The following IRX4 variants were observed in gnomAD, a reference collection of about 807,000 sequenced individuals.
IRX4 encodes the protein iroquois homeobox 4.
IRX4 carries 22 observed loss-of-function variants against 32.0 expected under a neutral mutation model. The observed-to-expected ratio is 0.69, with a 90% CI of 0.49 to 0.98. The LOEUF is 0.98. Among genes scored for constraint, IRX4 ranks in the 50% least tolerant of loss-of-function variants. The pLI is 0.00. For synonymous variants in IRX4, 379 were observed against 351.7 expected, an observed-to-expected ratio of 1.08 and a Z score of -0.87; for missense variants, 840 against 744.2, an observed-to-expected ratio of 1.13 and a Z score of -1.50.
rs80155454 is a variant in IRX4 at position 1,878,262 on chromosome 5, C to T, written c.1267G>A (p.Ala423Thr). 1.4e-4 allele frequency: 219 copies of T among 1,602,550 alleles called. 1 individual carries two copies. In the East Asian group the frequency reaches 4.8e-3, roughly 35 times the overall value. The change falls in exon 5 of 5, where the codon GCC becomes ACC. Residue 423 changes from alanine (A) to threonine (T), a missense_variant. Physicochemically the swap from Ala to Thr is moderately conservative, Grantham distance 58. Transcript: ENST00000231357. The stretch of plus-strand genomic sequence containing the variant: ...GGGGAGTCCTGGTGCCTGTCCAGGG[C>T]GCCAGAGTGGGGAAGGGCCACAGAC... The part of the protein sequence containing the change: ...SPSVALPHSG[A>T]LDRHQDSPVT...
intron 3 of IRX4, chr5:1,880,292 G>A: frequency 1.5e-6 from 1 of 663,038 alleles, no homozygotes. Context: ...TTGCATTGAG[G>A]AAAGTGGGGC....
At chr5:1,886,796 A>G (rs972132880), upstream of IRX4, 3 of 151,656 alleles carry the variant, frequency 2.0e-5, no homozygotes, top group African/African-American at 7.3e-5. Flanking sequence ...GACGGGTAGC[A>G]AACTTTGTCC....
rs1181785125 is a variant in IRX4 at position 1,882,881 on chromosome 5, T to C, written c.-234A>G. On this transcript the variant is annotated 5_prime_UTR_variant, in exon 1 of 5. Transcript: ENST00000231357. ...GCATTCCGGAGGCTCGAGGGGGCTCTGGGACCGAGCGGCCTCGCAGCGGCG... is the reference window on the plus strand; with the variant it reads ...GCATTCCGGAGGCTCGAGGGGGCTCCGGGACCGAGCGGCCTCGCAGCGGCG... 8.3e-6 allele frequency: 3 copies of C among 362,522 alleles called. No homozygotes were observed. Among genetic ancestry groups the C allele is most frequent in the African/African-American group, 6.4e-5 (3 of 46,806 alleles). 22.5% of individuals were successfully genotyped at this position (362,522 alleles called of 1,614,324 possible).
chr5:1,883,085 A>G (rs1356812861), upstream of IRX4, among the ~76,000 whole-genome samples: 2 of 152,088 alleles, frequency 1.3e-5, no homozygotes, highest in African/African-American at 4.8e-5. Flanking sequence ...AGGGGCCAGG[A>G]CAGTCCCGGC....
chr5:1,880,697 G>T (rs1735395043), intron 3 of IRX4, 28 bp downstream of exon 3: 2 of 1,486,372 alleles, frequency 1.3e-6, no homozygotes, highest in Non-Finnish European at 1.9e-6. Context: ...CGTGGGGCTA[G>T]TGCTGGTTAG....
At chr5:1,879,476 A>G (rs758596380) in intron 4 of IRX4, 28 bp downstream of exon 4, 2 of 1,612,618 alleles carry the variant, frequency 1.2e-6, no homozygotes, top group South Asian at 2.2e-5. Flanking sequence ...CCAGGGCCTC[A>G]GCCCCCAGTG....
intron 3 of IRX4, chr5:1,880,101 CA>C (rs1033844792): frequency 1.3e-6 from 2 of 1,535,520 alleles, no homozygotes; most frequent in African/African-American, 2.7e-5. Context: ...CAGAGAGGTC[CA>C]GGCCAATTCC....
chr5:1,877,888 C>A lies in IRX4; in HGVS notation c.*81G>T. 1.5e-6 allele frequency: 2 copies of A among 1,316,352 alleles called. No homozygotes were observed. Among genetic ancestry groups the A allele is most frequent in the Non-Finnish European group, 2.1e-6 (2 of 968,946 alleles). The allele number at this position is 1,316,352 out of a possible 1,614,324, so 81.5% of individuals were successfully genotyped here. ...GCGGCTTCGCGGTGGCCGCGCTAGT[C>A]TTCCTCTGGAAACTCAGTGAAAAGA... On this transcript the variant is annotated 3_prime_UTR_variant, in exon 5 of 5. Coordinates refer to ENST00000231357, the MANE Select transcript of IRX4 (RefSeq NM_016358.3).
Position 1,878,602 on chromosome 5 carries a change from G to A in IRX4, c.927C>T (p.Ala309=), listed in dbSNP as rs1173192713. Residue 309 remains alanine (A), a synonymous_variant, in exon 5 of 5, where the codon GCC becomes GCT. Coordinates refer to ENST00000231357, the MANE Select transcript of IRX4 (RefSeq NM_016358.3). ...EASGALRMSL[A]AGGGAALDED... ...CGTCCAGAGCAGCTCCGCCACCCGC[G>A]GCCAGAGACATCCGGAGCGCGCCTG... The A allele has an allele frequency of 1.3e-6, 2 of 1,559,112 alleles. No homozygotes were observed. Among genetic ancestry groups the A allele is most frequent in the Non-Finnish European group, 1.7e-6 (2 of 1,152,734 alleles).
chr5:1,881,650 G>A (rs956219101), intron 2 of IRX4, among the ~76,000 whole-genome samples, 158 bp downstream of exon 2: 36 of 152,192 alleles, frequency 2.4e-4, no homozygotes, highest in Non-Finnish European at 4.1e-4. Context: ...GGGGTTCTGA[G>A]GGTCTCGGCT....
At position 1,878,345 on chromosome 5, in the gene IRX4, A is replaced by G; in HGVS notation, c.1184T>C (p.Leu395Pro). ...AGGGGCCGCGGGACCTTGGCGCTTGAGCATGCACGACGGAAACTCAGTCTG... is the reference window on the plus strand; with the variant it reads ...AGGGGCCGCGGGACCTTGGCGCTTGGGCATGCACGACGGAAACTCAGTCTG... ...LSQTEFPSCM[L>P]KRQGPAAPAA... The change falls in exon 5 of 5, where the codon CTC (leucine) becomes CCC (proline). Residue 395 changes from leucine to proline, a missense_variant. Coordinates refer to ENST00000231357, the MANE Select transcript of IRX4 (RefSeq NM_016358.3). The G allele has an allele frequency of 1.3e-6, 2 of 1,543,998 alleles. No homozygotes were observed. The highest frequency in any genetic ancestry group is 4.8e-5 in the East Asian group (2 of 41,264).
upstream of IRX4, among the ~76,000 whole-genome samples, chr5:1,885,230 T>A (rs887825218): frequency 5.9e-5 from 9 of 152,132 alleles, no homozygotes; most frequent in Non-Finnish European, 1.3e-4. Flanking sequence ...GGGGCTTAAC[T>A]GGAGCCGAAG....
chr5:1,878,030 G>A lies in IRX4; in HGVS notation c.1499C>T (p.Ala500Val). 6.6e-7 allele frequency: 1 copy of A among 1,508,434 alleles called. No homozygotes were observed. The highest frequency in any genetic ancestry group is 8.8e-7 in the Non-Finnish European group (1 of 1,134,058). The allele number at this position is 1,508,434 out of a possible 1,614,324, so 93.4% of individuals were successfully genotyped here. Residue 500 changes from alanine (A) to valine (V), a missense_variant, in exon 5 of 5, where the codon GCA becomes GTA. Physicochemically the swap from Ala to Val is moderately conservative, Grantham distance 64. This residue lies in a region of IRX4 where 585 missense variants were observed against 488.0 expected (regional missense o/e 1.20). Transcript: ENST00000231357. ...GGCGAGCAGCTCCCTGGCGGCGCCT[G>A]CAGCTGGGGCGTCCTGGGGCACGGC... ...PPAVPQDAPA[A>V]GAARELLALP...
At position 1,878,065 on chromosome 5, in the gene IRX4, G is replaced by T. The variant is rs1199419405; in HGVS notation, c.1464C>A (p.Ala488=). ...CGTCCTGGGGCACGGCAGGCGGAAA[G>T]GCGCGGGCCAGGGGTGCAGTCAGCA... The part of the protein sequence containing the change: ...ANVLTAPLAR[A]FPPAVPQDAP... The change falls in exon 5 of 5, where the codon GCC becomes GCA. Residue 488 remains alanine, a synonymous_variant. Coordinates refer to ENST00000231357, the MANE Select transcript of IRX4 (RefSeq NM_016358.3). 6.6e-7 allele frequency: 1 copy of T among 1,514,460 alleles called. No homozygotes were observed. The allele number at this position is 1,514,460 out of a possible 1,614,324, so 93.8% of individuals were successfully genotyped here. A position where few individuals can be genotyped will look rare whatever the true frequency, so the allele number is the denominator to read the frequency against.
At chr5:1,879,090 C>T (rs1735330029) in intron 4 of IRX4, among the ~76,000 whole-genome samples, 1 of 151,796 alleles carries the variant, frequency 6.6e-6, no homozygotes, top group Admixed American at 6.6e-5. Flanking sequence ...CTCCAGGGTT[C>T]AGGGCATTCT....
At chr5:1,878,875 C>T in intron 4 of IRX4, 83 bp from the exon 5 acceptor site, 2 of 1,447,266 alleles carry the variant, frequency 1.4e-6, no homozygotes, top group Non-Finnish European at 1.9e-6. Context: ...CATTATGAGG[C>T]CTGTTCCCGA....
At chr5:1,885,850 G>C (rs72706719), upstream of IRX4, among the ~76,000 whole-genome samples, 1 of 152,404 alleles carries the variant, frequency 6.6e-6, no homozygotes, top group African/African-American at 2.4e-5. Context: ...AGGACGCTCA[G>C]CATCTCAGGT....
intron 3 of IRX4, 25 bp downstream of exon 3, chr5:1,880,700 C>T (rs937687027): frequency 3.3e-6 from 5 of 1,508,632 alleles, no homozygotes; most frequent in Non-Finnish European, 4.6e-6. Flanking sequence ...GGGGCTAGTG[C>T]TGGTTAGGAG....
In IRX4 at chr5:1,880,638, A is replaced by T. The variant is rs1316891325; in HGVS notation, c.407+87T>A. 6.8e-6 allele frequency: 6 copies of T among 886,110 alleles called. No individual in the cohort carries two copies. The East Asian group carries it at 1.2e-4, about 18-fold the overall frequency. The allele number at this position is 886,110 out of a possible 1,614,324, so 54.9% of individuals were successfully genotyped here. Reference sequence around the variant, plus strand: ...TCTTCCTGCCTCCCGCCTTCCAGAAAGGGGGCATGATGGTGGAGGGGAGTT... The same window carrying T: ...TCTTCCTGCCTCCCGCCTTCCAGAATGGGGGCATGATGGTGGAGGGGAGTT... On this transcript the variant is annotated intron_variant, in intron 3 of 4. Coordinates refer to ENST00000231357, the MANE Select transcript of IRX4 (RefSeq NM_016358.3).
Sources: allele counts gnomAD v4.1 joint callset (sites outside exome capture counted in the v4.1 genomes callset), GRCh38; gene constraint gnomAD v4.1.1; regional missense constraint gnomAD v4.1.1; transcripts MANE v1.5; gene names NCBI Gene and HGNC (gene_info 2026-07-23, HGNC 2026-07-21).